OPLAH: variants seen among roughly 807,000 people sequenced by gnomAD.
The protein encoded by OPLAH is 5-oxoprolinase.
OPLAH carries 103 observed loss-of-function variants against 122.8 expected under a neutral mutation model. The ratio of observed to expected loss-of-function variants is 0.84; its 90% CI spans 0.71 to 0.99. The LOEUF is 0.99. OPLAH is among the 50% of genes least tolerant of loss of function. The pLI is 0.00. For synonymous variants in OPLAH, 875 were observed against 796.0 expected, an observed-to-expected ratio of 1.10 and a Z score of -1.67; for missense variants, 1,902 against 1,836.5, an observed-to-expected ratio of 1.04 and a Z score of -0.65.
downstream of OPLAH, chr8:144,050,550 G>C: frequency 8.1e-6 from 8 of 985,662 alleles, no homozygotes; most frequent in Non-Finnish European, 9.6e-6. Context: ...CCACCGGCTA[G>C]AGCAGGAGCA....
chr8:144,051,391 GC>G lies in OPLAH; in HGVS notation c.3801del (p.Gln1268LysfsTer30). 6.2e-7 allele frequency: 1 copy of G among 1,601,558 alleles called. No homozygotes were observed. The highest frequency in any genetic ancestry group is 1.7e-5 in the Admixed American group (1 of 57,848). On this transcript the variant is annotated frameshift_variant, in exon 27 of 27. Coordinates refer to ENST00000618853, the MANE Select transcript of OPLAH (RefSeq NM_017570.5). LOFTEE classifies it high-confidence loss of function. The stretch of plus-strand genomic sequence containing the variant: ...CCGTGCTCGGGAAAGGCCAGTGCTT[GC>G]GGGGGCGACCCCGGCGGTGGGGCGG... ...EDPAPPPGSP[P>X]QALAFPEHGS...
At chr8:144,052,644 G>C in intron 22 of OPLAH, 46 bp from the exon 23 acceptor site, 1 of 1,553,960 alleles carries the variant, frequency 6.4e-7, no homozygotes, top group Non-Finnish European at 8.7e-7. Flanking sequence ...GTGGGCTCCG[G>C]GAGAAACAGC....
chr8:144,052,123 C>G (rs781825916), intron 24 of OPLAH, 46 bp downstream of exon 24: 2 of 1,548,906 alleles, frequency 1.3e-6, no homozygotes, highest in African/African-American at 2.8e-5. Flanking sequence ...GCCCGAGCCC[C>G]GGCTCCCACC....
chr8:144,054,950 G>T (rs531582216), intron 17 of OPLAH, 37 bp from the exon 18 acceptor site: 1 of 1,288,700 alleles, frequency 7.8e-7, no homozygotes. Flanking sequence ...GGGCACAGGG[G>T]AGCAGGGGCC....
chr8:144,058,132 C>T lies in OPLAH; in HGVS notation c.966G>A (p.Val322=), dbSNP rs556400568. The change falls in exon 8 of 27, where the codon GTG becomes GTA. Residue 322 remains valine, a synonymous_variant. Transcript: ENST00000618853. ...GFDMGGTSTD[V]SRYAGEFEHV... ...GCTCGAATTCCCCAGCATAGCGGCT[C>T]ACATCCGTGGACGTGCCTGGCAGGG... 1 of 1,612,468 alleles carries T rather than the reference C, an allele frequency of 6.2e-7. No homozygotes were observed. The highest frequency in any genetic ancestry group is 1.7e-5 in the Admixed American group (1 of 60,020).
chr8:144,052,516 T>C lies in OPLAH; in HGVS notation c.3236A>G (p.Asn1079Ser). Reference sequence around the variant, plus strand: ...CACCACGCGCTGCGACGTGAGCACGTTGCCGCCCACCACCGCCGCCTCGGG... The same window carrying C: ...CACCACGCGCTGCGACGTGAGCACGCTGCCGCCCACCACCGCCGCCTCGGG... ...PSPEAAVVGG[N>S]VLTSQRVVDV... The change falls in exon 23 of 27, where the codon AAC becomes AGC. Residue 1079 changes from asparagine (N) to serine (S), a missense_variant. Asn to Ser is a conservative substitution (Grantham distance 46). Transcript: ENST00000618853. 1 of 1,583,208 alleles carries C rather than the reference T, an allele frequency of 6.3e-7. No individual in the cohort carries two copies. The highest frequency in any genetic ancestry group is 1.3e-5 in the African/African-American group (1 of 74,662).
At chr8:144,058,712 C>A in intron 5 of OPLAH, 21 bp from the exon 6 acceptor site, 1 of 1,580,858 alleles carries the variant, frequency 6.3e-7, no homozygotes, top group Admixed American at 1.7e-5. Context: ...AACCCAGTGG[C>A]ACCTCGTCTC....
In OPLAH at chr8:144,052,093, G is replaced by A. The variant is rs782802637; in HGVS notation, c.3462-17C>T. On this transcript the variant is annotated splice_polypyrimidine_tract_variant and intron_variant, in intron 24 of 26. Transcript: ENST00000618853. ...ACCGGGTACCTGCGAGGGCGAGGAC[G>A]AGGGCAAAGACTCAGCGTGGCCCGA... 1.3e-6 allele frequency: 2 copies of A among 1,574,182 alleles called. No individual in the cohort carries two copies. Among genetic ancestry groups the A allele is most frequent in the East Asian group, 2.3e-5 (1 of 43,594 alleles).
In OPLAH at chr8:144,055,839, G is replaced by T; in HGVS notation, c.2197C>A (p.Leu733Met). 1 of 1,574,388 alleles carries T rather than the reference G, an allele frequency of 6.4e-7. No individual in the cohort carries two copies. The highest frequency in any genetic ancestry group is 8.6e-7 in the Non-Finnish European group (1 of 1,160,746). The change falls in exon 16 of 27, where the codon CTG becomes ATG. Residue 733 changes from leucine to methionine, a missense_variant. Coordinates refer to ENST00000618853, the MANE Select transcript of OPLAH (RefSeq NM_017570.5). The surrounding 1 kb of genome is among the most constrained non-coding windows in gnomAD (Gnocchi z 6.5). ...AAGATGGACAGCTGGATAGGGTCCA[G>T]CTGGGGGCCCACTGTGCCGGGGACT... ...AEVPGTVGPQ[L>M]DPIQLSIFSH...
rs1835504184 is a variant in OPLAH, at chr8:144,055,999, A to G, written c.2097-60T>C. On this transcript the variant is annotated intron_variant, in intron 15 of 26. Transcript: ENST00000618853. This position sits in a 1 kb window ranked among gnomAD's most constrained non-coding sequence, Gnocchi z 6.5. ...CCAGGCGACACCCCTCCAACCAGAGATGCCACGGCCCCAGGCCAGGGGCCA... is the reference window on the plus strand; with the variant it reads ...CCAGGCGACACCCCTCCAACCAGAGGTGCCACGGCCCCAGGCCAGGGGCCA... The G allele has an allele frequency of 1.3e-6, 2 of 1,494,784 alleles. No homozygotes were observed. The highest frequency in any genetic ancestry group is 8.9e-7 in the Non-Finnish European group (1 of 1,117,876). 92.6% of individuals were successfully genotyped at this position (1,494,784 alleles called of 1,614,324 possible).
chr8:144,062,001 A>G (rs575375160), upstream of OPLAH, among the ~76,000 whole-genome samples: 2 of 149,874 alleles, frequency 1.3e-5, no homozygotes, highest in South Asian at 4.3e-4. Context: ...GCCTGGCGAC[A>G]GAGTGAGACT....
Position 144,057,498 on chromosome 8 carries a change from C to T in OPLAH, c.1372G>A (p.Val458Met), listed in dbSNP as rs144920839. 163 of 1,598,374 alleles carry T rather than the reference C, an allele frequency of 1.0e-4. No homozygotes were observed. In the African/African-American group the frequency reaches 1.5e-3, roughly 15 times the overall value. The stretch of plus-strand genomic sequence containing the variant: ...CACATGGCCTCGTTGGCCACGCGCA[C>T]GAACCCCATGGCCACCTCCTCCAGG... ...LSLEEVAMGF[V>M]RVANEAMCRP... is the part of the protein sequence containing the mutation. Residue 458 changes from valine to methionine, a missense_variant, in exon 10 of 27, where the codon GTG becomes ATG. This residue lies in a region of OPLAH where 1,726 missense variants were observed against 1,642.1 expected (regional missense o/e 1.05). Coordinates refer to ENST00000618853, the MANE Select transcript of OPLAH (RefSeq NM_017570.5).
chr8:144,058,921 C>A, intron 4 of OPLAH, 25 bp from the exon 5 acceptor site: 1 of 1,550,518 alleles, frequency 6.4e-7, no homozygotes, highest in Non-Finnish European at 8.7e-7. Flanking sequence ...CAGGAGGCCC[C>A]GTTAAAGGCC....
In OPLAH at chr8:144,051,909, C is replaced by G. The variant is rs1554757744; in HGVS notation, c.3622+7G>C. 2.0e-6 allele frequency: 3 copies of G among 1,531,154 alleles called. No homozygotes were observed. Among genetic ancestry groups the G allele is most frequent in the Admixed American group, 3.9e-5 (2 of 50,848 alleles). 94.8% of individuals were successfully genotyped at this position (1,531,154 alleles called of 1,614,324 possible). ...GGGAGGGCCGCGAGGGCTGGGGAAC[C>G]GCGCACCGTGGAGCCCGTATGGCCG... On this transcript the variant is annotated splice_region_variant and intron_variant, in intron 25 of 26. Coordinates refer to ENST00000618853, the MANE Select transcript of OPLAH (RefSeq NM_017570.5).
At chr8:144,051,564 C>T in intron 26 of OPLAH, 92 bp from the exon 27 acceptor site, 1 of 1,217,248 alleles carries the variant, frequency 8.2e-7, no homozygotes, top group Non-Finnish European at 1.1e-6. Context: ...CGGGCAGCGT[C>T]CATCACCCGC....
In OPLAH at chr8:144,052,832, G is replaced by C. The variant is rs1835418412; in HGVS notation, c.3087C>G (p.Ala1029=). 3 of 1,557,058 alleles carry C rather than the reference G, an allele frequency of 1.9e-6. No homozygotes were observed. Among genetic ancestry groups the C allele is most frequent in the South Asian group, 2.4e-5 (2 of 84,494 alleles). ...EVFGNLNAPR[A]VTLSALIYCL... is the part of the protein sequence containing the mutation. ...AGTAGATGAGGGCGGACAGGGTTACGGCCCGCGGTGCGTTGAGATTACCAA... is the reference window on the plus strand; with the variant it reads ...AGTAGATGAGGGCGGACAGGGTTACCGCCCGCGGTGCGTTGAGATTACCAA... Residue 1029 remains alanine, a synonymous_variant, in exon 22 of 27, where the codon GCC becomes GCG. Coordinates refer to ENST00000618853, the MANE Select transcript of OPLAH (RefSeq NM_017570.5).
rs782408258 is a variant in OPLAH at position 144,057,271 on chromosome 8, G to A, written c.1472C>T (p.Ala491Val). 6.2e-7 allele frequency: 1 copy of A among 1,612,474 alleles called. No homozygotes were observed. The highest frequency in any genetic ancestry group is 8.5e-7 in the Non-Finnish European group (1 of 1,179,772). ...SAHVLACFGG[A>V]GGQHACAIAR... ...GATGGCACATGCATGCTGCCCACCA[G>A]CTCCCCCAAAGCAGGCCAGCACATG... Residue 491 changes from alanine to valine, a missense_variant, in exon 11 of 27, where the codon GCT becomes GTT. By Grantham distance (64) the Ala-to-Val change is moderately conservative. This residue lies in a region of OPLAH where 1,726 missense variants were observed against 1,642.1 expected (regional missense o/e 1.05). Transcript: ENST00000618853.
Position 144,056,157 on chromosome 8 carries a change from C to G in OPLAH, c.2086G>C (p.Asp696His), listed in dbSNP as rs1554758953. Residue 696 changes from aspartate to histidine, a missense_variant, in exon 15 of 27, where the codon GAC becomes CAC. Around this residue, in one of 3 missense-constraint regions of OPLAH, gnomAD observed 1,726 missense variants for 1,642.1 expected, o/e 1.05. Coordinates refer to ENST00000618853, the MANE Select transcript of OPLAH (RefSeq NM_017570.5). The stretch of plus-strand genomic sequence containing the variant: ...CGGACTTCAGCCCACCTGTTACTGT[C>G]GATGATGAGGCAGGGCCCATGGAGC... ...HKLHGPCLII[D>H]SNSTILVEPG... 1.9e-6 allele frequency: 3 copies of G among 1,605,644 alleles called. No individual in the cohort carries two copies. Among genetic ancestry groups the G allele is most frequent in the Non-Finnish European group, 2.6e-6 (3 of 1,174,300 alleles).
rs1280627762 is a variant in OPLAH at position 144,055,939 on chromosome 8, G to A, written c.2097C>T (p.Ser699=). 9 of 1,578,008 alleles carry A rather than the reference G, an allele frequency of 5.7e-6. No homozygotes were observed. The highest frequency in any genetic ancestry group is 1.2e-5 in the South Asian group (1 of 86,544). The change falls in exon 16 of 27, where the codon AGC becomes AGT. Residue 699 remains serine (S), a splice_region_variant and synonymous_variant. Coordinates refer to ENST00000618853, the MANE Select transcript of OPLAH (RefSeq NM_017570.5). The surrounding 1 kb of genome is among the most constrained non-coding windows in gnomAD (Gnocchi z 6.5). The stretch of plus-strand genomic sequence containing the variant: ...GGCAACCTGGCTCCACCAGGATGGT[G>A]CTGGGGAGCAGAGGGCACAGAGGGC... ...HGPCLIIDSN[S]TILVEPGCQA...
Sources: allele counts gnomAD v4.1 joint callset (sites outside exome capture counted in the v4.1 genomes callset), GRCh38; gene constraint gnomAD v4.1.1; regional missense constraint gnomAD v4.1.1; non-coding constraint Gnocchi (gnomAD v3.1); transcripts MANE v1.5; gene names NCBI Gene and HGNC (gene_info 2026-07-23, HGNC 2026-07-21).